The following LINGO1 variants were observed in gnomAD, a reference collection of about 807,000 sequenced individuals.
LINGO1 encodes leucine rich repeat and Ig domain containing 1.
A neutral mutation model predicts 37.3 loss-of-function variants in LINGO1; 11 were observed. The ratio of observed to expected loss-of-function variants is 0.29; its 90% CI spans 0.19 to 0.49. The LOEUF (loss-of-function observed/expected upper bound fraction) is 0.49. Among genes scored for constraint, LINGO1 ranks in the 20% least tolerant of loss-of-function variants. The pLI is 0.99. For missense variants in LINGO1, 585 were observed against 878.2 expected (o/e 0.67, Z 4.22); for synonymous variants, 387 against 403.0 (o/e 0.96, Z 0.48).
intron 1 of LINGO1, among the ~76,000 whole-genome samples, chr15:77,776,978 A>T (rs2076662554): frequency 6.6e-6 from 1 of 152,104 alleles, no homozygotes; most frequent in Non-Finnish European, 1.5e-5. Flanking sequence ...GGCTCTAAAG[A>T]CTTTGCTTAG....
intron 1 of LINGO1, among the ~76,000 whole-genome samples, chr15:77,760,214 G>A (rs1177277220): frequency 1.3e-5 from 2 of 152,210 alleles, no homozygotes; most frequent in Non-Finnish European, 1.5e-5. Context: ...GGGTAGGGAG[G>A]GGAGGGGAAC....
chr15:77,624,163 CTGTGTGTGTGTG>C (rs56162459), intron 1 of LINGO1, among the ~76,000 whole-genome samples: 6 of 131,864 alleles, frequency 4.6e-5, no homozygotes, highest in South Asian at 5.4e-4. Flanking sequence ...TGAGTGGCCT[CTGTGTGTGTGTG>C]TGTGTGTGTG....
chr15:77,655,041 C>T, intron 3 of LINGO1, among the ~76,000 whole-genome samples: 1 of 152,184 alleles, frequency 6.6e-6, no homozygotes, highest in East Asian at 1.9e-4. Flanking sequence ...CCACTCAGCC[C>T]CTAGGGGAGG....
chr15:77,769,680 C>T (rs1236143150), intron 1 of LINGO1, among the ~76,000 whole-genome samples: 1 of 152,144 alleles, frequency 6.6e-6, no homozygotes, highest in Non-Finnish European at 1.5e-5. Flanking sequence ...CCCTGGGGGA[C>T]AGGATCCCCA....
intron 1 of LINGO1, among the ~76,000 whole-genome samples, chr15:77,630,214 C>G (rs141474621): frequency 6.6e-6 from 1 of 152,256 alleles, no homozygotes; most frequent in Non-Finnish European, 1.5e-5. Flanking sequence ...CCCCTACCCT[C>G]CACTGGACAC....
Position 77,614,398 on chromosome 15 carries a change from GC to G in LINGO1, c.1508del (p.Gly503AlafsTer115). ...GGTGGGCGGGCATGGAGTCGTTGCC[GC>G]CCGCGTTGGCCGCGATGCACAGGTA... ...GTYLCIAANA[G>X]GNDSMPAHLH... On this transcript the variant is annotated frameshift_variant, in exon 2 of 2. Coordinates refer to ENST00000355300, the MANE Select transcript of LINGO1 (RefSeq NM_032808.7). LOFTEE classifies it high-confidence loss of function. 6.2e-7 allele frequency: 1 copy of G among 1,613,022 alleles called. No individual in the cohort carries two copies. The highest frequency in any genetic ancestry group is 8.5e-7 in the Non-Finnish European group (1 of 1,179,782).
chr15:77,758,096 C>T (rs1048912652), intron 1 of LINGO1, among the ~76,000 whole-genome samples: 5 of 152,164 alleles, frequency 3.3e-5, no homozygotes, highest in African/African-American at 1.2e-4. Flanking sequence ...CCTCGCCTCC[C>T]AATTTTTGTT....
intron 1 of LINGO1, among the ~76,000 whole-genome samples, chr15:77,691,630 C>T (rs1468332583): frequency 6.6e-6 from 1 of 151,966 alleles, no homozygotes; most frequent in Admixed American, 6.6e-5. Context: ...GAGATTGTCC[C>T]GGAAAACTGT....
chr15:77,724,967 G>A (rs2076088249), intron 2 of LINGO1, among the ~76,000 whole-genome samples: 1 of 152,242 alleles, frequency 6.6e-6, no homozygotes. Flanking sequence ...AGGAGAGCCT[G>A]AGATGAAGGC....
At chr15:77,795,287 C>T (rs1328334652) in intron 2 of LINGO1, among the ~76,000 whole-genome samples, 2 of 152,208 alleles carry the variant, frequency 1.3e-5, no homozygotes, top group Non-Finnish European at 2.9e-5. Context: ...GCTGTCATTT[C>T]TCCACATCCC....
At chr15:77,664,166 T>TGC (rs1225533245) in intron 3 of LINGO1, among the ~76,000 whole-genome samples, 2 of 122,968 alleles carry the variant, frequency 1.6e-5, no homozygotes, top group Admixed American at 7.3e-5. Context: ...TGTGTGTGTG[T>TGC]GTGTGCGCGC....
At chr15:77,648,067 G>A (rs2141130327) in intron 3 of LINGO1, 3 of 384,338 alleles carry the variant, frequency 7.8e-6, no homozygotes, top group South Asian at 5.8e-5. Context: ...CAGGGAGAGG[G>A]TGGTAAGTGG....
intron 2 of LINGO1, among the ~76,000 whole-genome samples, chr15:77,709,472 G>A (rs1315950021): frequency 6.6e-6 from 1 of 152,192 alleles, no homozygotes; most frequent in Non-Finnish European, 1.5e-5. Flanking sequence ...CAGGGACAGC[G>A]GCAGGCCTGG....
At chr15:77,749,730 G>C (rs563572669) in intron 1 of LINGO1, among the ~76,000 whole-genome samples, 1 of 152,332 alleles carries the variant, frequency 6.6e-6, no homozygotes, top group South Asian at 2.1e-4. Flanking sequence ...TCTCCTAAGG[G>C]GTTATCCTCA....
chr15:77,654,680 C>G (rs113554132), intron 3 of LINGO1, among the ~76,000 whole-genome samples: 1 of 152,064 alleles, frequency 6.6e-6, no homozygotes, highest in Non-Finnish European at 1.5e-5. Flanking sequence ...GGAAAGGGCT[C>G]GAGAGCTGGA....
intron 1 of LINGO1, among the ~76,000 whole-genome samples, chr15:77,784,406 G>T (rs2076751649): frequency 6.6e-6 from 1 of 152,264 alleles, no homozygotes. Flanking sequence ...CCCTAGCAGA[G>T]ACCCTGCCCA....
At chr15:77,714,243 G>A (rs1011523834) in intron 2 of LINGO1, among the ~76,000 whole-genome samples, 8 of 152,116 alleles carry the variant, frequency 5.3e-5, no homozygotes, top group African/African-American at 1.7e-4. Context: ...CCATGATGGG[G>A]TCTGCCACCC....
intron 3 of LINGO1, among the ~76,000 whole-genome samples, chr15:77,661,072 T>C (rs1190919964): frequency 6.6e-6 from 1 of 150,680 alleles, no homozygotes; most frequent in Non-Finnish European, 1.5e-5. Context: ...AGAATTGCAA[T>C]GCTGGGCAAA....
chr15:77,662,231 G>A (rs186640198), intron 3 of LINGO1, among the ~76,000 whole-genome samples: 17 of 152,232 alleles, frequency 1.1e-4, no homozygotes, highest in Admixed American at 2.6e-4. Flanking sequence ...GAGGGAAGGC[G>A]TGGTACTGGT....
Sources: allele counts gnomAD v4.1 joint callset (sites outside exome capture counted in the v4.1 genomes callset), GRCh38; gene constraint gnomAD v4.1.1; transcripts MANE v1.5; gene names NCBI Gene and HGNC (gene_info 2026-07-23, HGNC 2026-07-21).